Variants in FRMPD4 observed in about 807,000 individuals in gnomAD.
FRMPD4 encodes the protein FERM and PDZ domain containing 4.
Under a neutral mutation model 94.1 loss-of-function variants are expected in FRMPD4, and 22 were observed. That is an observed-to-expected ratio of 0.23 (90% confidence interval 0.17 to 0.33). FRMPD4 has a LOEUF of 0.33. Ranked by LOEUF, FRMPD4 falls within the 10% of genes least tolerant of loss-of-function variation. FRMPD4 has a pLI of 1.00. For synonymous variants in FRMPD4, 631 were observed against 548.6 expected (o/e 1.15, Z -2.10); for missense variants, 1,111 against 1,339.9 (o/e 0.83, Z 2.67).
chrX:12,638,033 T>G (rs1249001894), intron 4 of FRMPD4, among the ~76,000 whole-genome samples: 1 of 112,112 alleles, frequency 8.9e-6, no homozygotes, highest in African/African-American at 3.2e-5. Flanking sequence ...ATTTTTATAT[T>G]CTATTTTATG....
chrX:12,351,044 C>T (rs1049653795), intron 1 of FRMPD4, among the ~76,000 whole-genome samples: 2 of 110,338 alleles, frequency 1.8e-5, no homozygotes, highest in East Asian at 2.8e-4. Context: ...TGTGGTGGCG[C>T]GTGCCTGTAA....
intron 2 of FRMPD4, among the ~76,000 whole-genome samples, chrX:12,607,783 C>G (rs2059145155): frequency 8.9e-6 from 1 of 112,075 alleles, no homozygotes; most frequent in Non-Finnish European, 1.9e-5. Context: ...TCTCTTTTTC[C>G]TACTGTTCCA....
At chrX:12,503,549 C>T (rs1392404577) in intron 2 of FRMPD4, among the ~76,000 whole-genome samples, 21 of 112,004 alleles carry the variant, frequency 1.9e-4, no homozygotes. Flanking sequence ...TTTAGTCATT[C>T]CCATCTGCCA....
chrX:12,577,470 G>C (rs750049011), intron 2 of FRMPD4, among the ~76,000 whole-genome samples: 3 of 110,945 alleles, frequency 2.7e-5, no homozygotes, highest in Non-Finnish European at 5.7e-5. Context: ...TATGCCTCAA[G>C]AAGAGGGCAG....
chrX:12,551,052 A>T, intron 2 of FRMPD4, among the ~76,000 whole-genome samples: 1 of 111,048 alleles, frequency 9.0e-6, no homozygotes, highest in East Asian at 2.8e-4. Context: ...CTTGATAAAT[A>T]TGTATAGTTT....
chrX:12,220,641 C>T (rs1033172087), intron 1 of FRMPD4, among the ~76,000 whole-genome samples: 1 of 111,722 alleles, frequency 9.0e-6, no homozygotes. Context: ...TGTAGTTTTC[C>T]TGTGTTCCCA....
chrX:12,265,951 A>T (rs1391081928), intron 1 of FRMPD4, among the ~76,000 whole-genome samples: 2 of 107,801 alleles, frequency 1.9e-5, no homozygotes, highest in Admixed American at 9.8e-5. Context: ...ACACGGTGAA[A>T]CACCATCTCT....
intron 3 of FRMPD4, among the ~76,000 whole-genome samples, chrX:12,023,097 G>A (rs1359826250): frequency 9.0e-6 from 1 of 111,304 alleles, no homozygotes; most frequent in Non-Finnish European, 1.9e-5. Flanking sequence ...CCTCATGTAT[G>A]GGATTAGTGC....
At chrX:11,839,269 T>C (rs1235314295) in intron 1 of FRMPD4, among the ~76,000 whole-genome samples, 1 of 112,111 alleles carries the variant, frequency 8.9e-6, no homozygotes, top group Non-Finnish European at 1.9e-5. Context: ...CACTTGTTAT[T>C]GTTTCTTTTT....
At chrX:12,686,284 C>A in intron 7 of FRMPD4, 80 bp downstream of exon 7, 1 of 493,650 alleles carries the variant, frequency 2.0e-6, no homozygotes, top group East Asian at 3.6e-5. Flanking sequence ...GTAGCAGCAT[C>A]TTCTTTCAGA....
intron 3 of FRMPD4, among the ~76,000 whole-genome samples, chrX:11,885,713 C>T (rs749764281): frequency 6.3e-5 from 7 of 110,716 alleles, no homozygotes; most frequent in East Asian, 5.7e-4. Flanking sequence ...CTTTAGGGCA[C>T]GGGGCTTCAA....
chrX:12,547,421 G>T, intron 2 of FRMPD4, among the ~76,000 whole-genome samples: 1 of 112,002 alleles, frequency 8.9e-6, no homozygotes, highest in South Asian at 3.7e-4. Flanking sequence ...TTTTAGAGTT[G>T]GGGTGTAGGG....
chrX:12,519,426 G>T (rs2058137836), intron 2 of FRMPD4, among the ~76,000 whole-genome samples: 1 of 112,078 alleles, frequency 8.9e-6, no homozygotes, highest in Non-Finnish European at 1.9e-5. Context: ...TGACAAGGCT[G>T]CCAAACTGAA....
chrX:11,896,791 C>T (rs747116275), intron 3 of FRMPD4, among the ~76,000 whole-genome samples: 1 of 111,559 alleles, frequency 9.0e-6, no homozygotes, highest in African/African-American at 3.3e-5. Context: ...TGAGCCATTC[C>T]CCAAAGAATG....
chrX:11,911,783 C>T (rs1402764061), intron 3 of FRMPD4, among the ~76,000 whole-genome samples: 1 of 112,280 alleles, frequency 8.9e-6, no homozygotes, highest in Non-Finnish European at 1.9e-5. Context: ...AAGTAGGAGA[C>T]TTCAGTCCAA....
chrX:12,587,881 A>G (rs1277881933), intron 2 of FRMPD4, among the ~76,000 whole-genome samples: 1 of 112,322 alleles, frequency 8.9e-6, no homozygotes, highest in Non-Finnish European at 1.9e-5. Flanking sequence ...GGAATTGCCA[A>G]ACTTAACACA....
intron 1 of FRMPD4, among the ~76,000 whole-genome samples, chrX:12,394,292 T>C (rs1277310552): frequency 9.0e-6 from 1 of 111,374 alleles, no homozygotes. Context: ...AGCTGAGAGA[T>C]GGTGAAATGA....
chrX:12,720,602 G>C lies in FRMPD4; in HGVS notation c.4033G>C (p.Asp1345His), dbSNP rs2042220324. 2.5e-6 allele frequency: 3 copies of C among 1,198,828 alleles called. No individual in the cohort carries two copies. Among genetic ancestry groups the C allele is most frequent in the East Asian group, 5.9e-5 (2 of 33,683 alleles). The change falls in exon 17 of 17, where the codon GAT becomes CAT. Residue 1345 changes from aspartate (D) to histidine (H), a missense_variant. Around this residue, in one of 8 missense-constraint regions of FRMPD4, gnomAD observed 551 missense variants for 591.6 expected, o/e 0.93. Coordinates refer to ENST00000675598, the MANE Select transcript of FRMPD4 (RefSeq NM_001368397.1). ...PSAWSQHPEA[D>H]PILLPSNIHS... ...AGCTTGGTCTCAACATCCTGAAGCT[G>C]ATCCCATCCTGCTACCATCAAACAT...
intron 4 of FRMPD4, among the ~76,000 whole-genome samples, chrX:12,664,177 A>G (rs1242977207): frequency 8.9e-6 from 1 of 112,067 alleles, no homozygotes; most frequent in Non-Finnish European, 1.9e-5. Flanking sequence ...CTCTCTTCCT[A>G]TTTGAATACC....
Sources: allele counts gnomAD v4.1 joint callset (sites outside exome capture counted in the v4.1 genomes callset), GRCh38; gene constraint gnomAD v4.1.1; regional missense constraint gnomAD v4.1.1; transcripts MANE v1.5; gene names NCBI Gene and HGNC (gene_info 2026-07-23, HGNC 2026-07-21).